Variants in UBE2V1 observed in about 807,000 individuals in gnomAD.
UBE2V1 encodes ubiquitin conjugating enzyme E2 V1.
UBE2V1 carries 15 observed loss-of-function variants against 19.6 expected under a neutral mutation model. The observed-to-expected ratio is 0.77, with a 90% confidence interval of 0.51 to 1.18. The LOEUF is 1.18. Ranked by LOEUF, UBE2V1 falls within the 50% of genes most tolerant of loss-of-function variation. The probability of loss-of-function intolerance (pLI) is 0.00; values close to 1 mark genes in which losing one functional copy is unlikely to be tolerated. For synonymous variants in UBE2V1, 60 were observed against 60.7 expected (o/e 0.99, Z 0.05); for missense variants, 125 against 184.8 (o/e 0.68, Z 1.88).
intron 2 of UBE2V1, among the ~76,000 whole-genome samples, chr20:50,085,478 A>G (rs1218285770): frequency 6.6e-6 from 1 of 152,104 alleles, no homozygotes; most frequent in Non-Finnish European, 1.5e-5. Flanking sequence ...GATGTCTCCC[A>G]GTAAAGAGTA....
At chr20:50,093,213 A>G (rs1044353922) in intron 2 of UBE2V1, among the ~76,000 whole-genome samples, 7 of 152,276 alleles carry the variant, frequency 4.6e-5, no homozygotes, top group Non-Finnish European at 8.8e-5. Context: ...TGGGCAATAC[A>G]TTCAAGAGAA....
intron 1 of UBE2V1, among the ~76,000 whole-genome samples, chr20:50,104,596 T>A (rs1372443898): frequency 7.8e-6 from 1 of 128,044 alleles, no homozygotes; most frequent in African/African-American, 3.1e-5. Context: ...GGGCGGAGCC[T>A]GCAGTGAGCC....
rs139099294 is a variant in UBE2V1 at position 50,109,356 on chromosome 20, A to T, written c.22+3751T>A. 5.3e-4 allele frequency among the ~76,000 whole-genome samples: 81 copies of T among 152,258 alleles called. No homozygotes were observed. In the East Asian group the frequency reaches 9.1e-3, roughly 17 times the overall value. On this transcript the variant is annotated intron_variant, in intron 1 of 3. Transcript: ENST00000371674. ...GGAGGTGGGAGGGATAGAGATATGAAGAGAAAAGAGAATGTGGTGGGGGAA... is the reference window on the plus strand; with the variant it reads ...GGAGGTGGGAGGGATAGAGATATGATGAGAAAAGAGAATGTGGTGGGGGAA...
chr20:50,084,983 G>A (rs2078833580), intron 2 of UBE2V1, among the ~76,000 whole-genome samples: 1 of 135,662 alleles, frequency 7.4e-6, no homozygotes, highest in East Asian at 2.4e-4. Context: ...CGCAACCTCC[G>A]CCTCCCGGGT....
chr20:50,091,142 G>A (rs6020248), intron 2 of UBE2V1, among the ~76,000 whole-genome samples: 2,652 of 152,166 alleles, frequency 0.017, 72 homozygotes, highest in African/African-American at 0.058. Flanking sequence ...TGCCTCCTGG[G>A]TTCAAGCGAT....
chr20:50,112,690 C>A (rs911902216), intron 1 of UBE2V1, among the ~76,000 whole-genome samples: 3 of 152,352 alleles, frequency 2.0e-5, no homozygotes. Context: ...TCCCAAGGCC[C>A]CTCTCAGCCG....
chr20:50,084,523 G>A, intron 2 of UBE2V1: 2 of 563,966 alleles, frequency 3.5e-6, no homozygotes, highest in South Asian at 3.0e-5. Context: ...AGAGGGACCT[G>A]TTTTTATGTT....
At chr20:50,104,632 A>T (rs1375955656) in intron 1 of UBE2V1, among the ~76,000 whole-genome samples, 4 of 122,714 alleles carry the variant, frequency 3.3e-5, no homozygotes, top group Non-Finnish European at 6.5e-5. Flanking sequence ...CACTCCAGCC[A>T]GGGCGACAGT....
At chr20:50,095,639 T>C (rs1212152437) in intron 2 of UBE2V1, among the ~76,000 whole-genome samples, 1 of 152,220 alleles carries the variant, frequency 6.6e-6, no homozygotes, top group Non-Finnish European at 1.5e-5. Context: ...ACAGTGCTAG[T>C]GCAGAGTCCT....
chr20:50,102,956 A>G (rs768045104), intron 1 of UBE2V1, among the ~76,000 whole-genome samples: 10 of 152,224 alleles, frequency 6.6e-5, no homozygotes, highest in Non-Finnish European at 1.5e-4. Context: ...TCTGTCCCAG[A>G]GCTGTGAATG....
Position 50,113,145 on chromosome 20 carries a change from T to G in UBE2V1, c.-17A>C. ...GGCTGCCATCTTGCGTCGCTCTTGCTTGAAGGCCGGCCCCTTCTTCACCCC... is the reference window on the plus strand; with the variant it reads ...GGCTGCCATCTTGCGTCGCTCTTGCGTGAAGGCCGGCCCCTTCTTCACCCC... On this transcript the variant is annotated 5_prime_UTR_variant, in exon 1 of 4. Transcript: ENST00000371674. 7.5e-7 allele frequency: 1 copy of G among 1,341,804 alleles called. No individual in the cohort carries two copies. The highest frequency in any genetic ancestry group is 2.0e-5 in the South Asian group (1 of 50,226). The allele number at this position is 1,341,804 out of a possible 1,614,324, so 83.1% of individuals were successfully genotyped here. A position where few individuals can be genotyped will look rare whatever the true frequency, so the allele number is the denominator to read the frequency against.
chr20:50,083,272 G>A (rs2078723623), intron 3 of UBE2V1, among the ~76,000 whole-genome samples: 1 of 152,214 alleles, frequency 6.6e-6, no homozygotes, highest in Non-Finnish European at 1.5e-5. Flanking sequence ...GGGGACAGAT[G>A]TGCATGCAGG....
chr20:50,104,320 C>T lies in UBE2V1; in HGVS notation c.23-7500G>A, dbSNP rs544241642. 2.6e-5 allele frequency: 25 copies of T among 948,128 alleles called. No homozygotes were observed. The South Asian group carries it at 9.3e-4, about 35-fold the overall frequency. The allele number at this position is 948,128 out of a possible 1,614,324, so 58.7% of individuals were successfully genotyped here. ...AAAAGGCAGTATTTCCTATTGTAAA[C>T]TCTAATCTACTGGGTCCAAAATATT... On this transcript the variant is annotated intron_variant, in intron 1 of 3. Transcript: ENST00000371674.
intron 2 of UBE2V1, among the ~76,000 whole-genome samples, chr20:50,093,734 G>C (rs2147052604): frequency 6.6e-6 from 1 of 152,074 alleles, no homozygotes; most frequent in East Asian, 1.9e-4. Context: ...GCTCACACCT[G>C]TAATTCCAGC....
At chr20:50,113,206 C>A (rs997165749), upstream of UBE2V1, 11 of 1,179,822 alleles carry the variant, frequency 9.3e-6, no homozygotes, top group East Asian at 2.3e-4. Flanking sequence ...TGCGCAGGCG[C>A]GCGCGCACGC....
chr20:50,086,063 C>T (rs1227421834), intron 2 of UBE2V1, among the ~76,000 whole-genome samples: 4 of 152,218 alleles, frequency 2.6e-5, no homozygotes, highest in Non-Finnish European at 5.9e-5. Context: ...GTCTTAAAAA[C>T]AGGAAGCTGT....
Position 50,084,238 on chromosome 20 carries a change from C to A in UBE2V1, c.188G>T (p.Arg63Leu). 6.2e-7 allele frequency: 1 copy of A among 1,610,848 alleles called. No individual in the cohort carries two copies. The highest frequency in any genetic ancestry group is 8.5e-7 in the Non-Finnish European group (1 of 1,177,844). ...ACATTCTATTTTAAGGCTGTATATT[C>A]GGTTTTCATAAATTGTCTGGAAAAA... ...IGPPRTIYENRIYSLKIECGP... is the reference protein window; with the variant it reads ...IGPPRTIYENLIYSLKIECGP... Residue 63 changes from arginine (R) to leucine (L), a missense_variant, in exon 3 of 4, where the codon CGA (arginine) becomes CTA (leucine). Physicochemically the swap from Arg to Leu is moderately radical, Grantham distance 102. Transcript: ENST00000371674.
chr20:50,113,213 A>T, upstream of UBE2V1: 4 of 1,047,564 alleles, frequency 3.8e-6, no homozygotes, highest in Non-Finnish European at 4.8e-6. Context: ...GCGCGCGCGC[A>T]CGCACATACG....
Position 50,084,027 on chromosome 20 carries a change from A to T in UBE2V1, c.297+102T>A, listed in dbSNP as rs1399686931. ...CAGTGATACAGTTTATCAACAAATAACCAAAGAACCTAGGAATTGGGCCCA... is the reference window on the plus strand; with the variant it reads ...CAGTGATACAGTTTATCAACAAATATCCAAAGAACCTAGGAATTGGGCCCA... On this transcript the variant is annotated intron_variant, in intron 3 of 3. Coordinates refer to ENST00000371674, the MANE Select transcript of UBE2V1 (RefSeq NM_001032288.3). 51 of 1,499,464 alleles carry T rather than the reference A, an allele frequency of 3.4e-5. No individual in the cohort carries two copies. In the Middle Eastern group the frequency reaches 1.3e-3, roughly 38 times the overall value. The allele number at this position is 1,499,464 out of a possible 1,614,324, so 92.9% of individuals were successfully genotyped here.
Sources: allele counts gnomAD v4.1 joint callset (sites outside exome capture counted in the v4.1 genomes callset), GRCh38; gene constraint gnomAD v4.1.1; transcripts MANE v1.5; gene names NCBI Gene and HGNC (gene_info 2026-07-23, HGNC 2026-07-21).